PLEKHH2: variants seen among roughly 807,000 people sequenced by gnomAD.
PLEKHH2 encodes the protein pleckstrin homology domain-containing family H member 2.
A neutral mutation model predicts 187.9 loss-of-function variants in PLEKHH2; 129 were observed. The ratio of observed to expected loss-of-function variants is 0.69; its 90% CI spans 0.59 to 0.79. PLEKHH2 has a LOEUF of 0.79. Among genes scored for constraint, PLEKHH2 ranks in the 30% least tolerant of loss-of-function variants. PLEKHH2 has a pLI of 0.00. For missense variants in PLEKHH2, 2,076 were observed against 1,751.2 expected, an observed-to-expected ratio of 1.19 and a Z score of -3.31; for synonymous variants, 686 against 605.6, an observed-to-expected ratio of 1.13 and a Z score of -1.95.
At chr2:43,739,001 C>T (rs931783567) in intron 20 of PLEKHH2, among the ~76,000 whole-genome samples, 1 of 152,188 alleles carries the variant, frequency 6.6e-6, no homozygotes, top group Non-Finnish European at 1.5e-5. Flanking sequence ...AAGCAATTCT[C>T]CTGCCTCAGC....
At chr2:43,665,999 C>T (rs1227324405) in intron 2 of PLEKHH2, among the ~76,000 whole-genome samples, 13 of 144,042 alleles carry the variant, frequency 9.0e-5, no homozygotes, top group Non-Finnish European at 3.0e-5. Context: ...TGGTGGGCTC[C>T]ACCCAGTTCG....
rs763208067 is a variant in PLEKHH2 at position 43,712,383 on chromosome 2, G to C, written c.2460G>C (p.Lys820Asn). Residue 820 changes from lysine to asparagine, a missense_variant and splice_region_variant, in exon 15 of 30, where the codon AAG becomes AAC. Coordinates refer to ENST00000282406, the MANE Select transcript of PLEKHH2 (RefSeq NM_172069.4). ...CCACCATGAAGGGATTGCTCACTAA[G>C]GTAGGAACCTCCTGTGCATAGCAAT... ...GKPTMKGLLT[K>N]VKHGYSKRVW... The C allele has an allele frequency of 2.2e-5, 35 of 1,613,782 alleles. No individual in the cohort carries two copies. Among genetic ancestry groups the C allele is most frequent in the Non-Finnish European group, 2.9e-5 (34 of 1,179,958 alleles).
At chr2:43,699,433 C>T (rs1669244629) in intron 7 of PLEKHH2, among the ~76,000 whole-genome samples, 1 of 152,066 alleles carries the variant, frequency 6.6e-6, no homozygotes, top group Admixed American at 6.6e-5. Flanking sequence ...GGCTGGAGTG[C>T]AGTGGCTGAT....
chr2:43,760,124 T>C (rs1672364452), intron 27 of PLEKHH2, among the ~76,000 whole-genome samples: 1 of 152,198 alleles, frequency 6.6e-6, no homozygotes, highest in African/African-American at 2.4e-5. Context: ...GCAGCATGGA[T>C]TTTAATTCTA....
At chr2:43,642,949 C>T (rs945951531) in intron 1 of PLEKHH2, among the ~76,000 whole-genome samples, 5 of 152,060 alleles carry the variant, frequency 3.3e-5, no homozygotes, top group Non-Finnish European at 4.4e-5. Flanking sequence ...TACATTTCTG[C>T]GGAATGATAT....
intron 2 of PLEKHH2, among the ~76,000 whole-genome samples, chr2:43,650,392 C>A (rs1448645727): frequency 3.9e-5 from 6 of 151,910 alleles, no homozygotes; most frequent in Non-Finnish European, 8.8e-5. Context: ...CTTGGCCTCC[C>A]AAAGTGCTGG....
chr2:43,667,092 C>T (rs1667255140), intron 2 of PLEKHH2, among the ~76,000 whole-genome samples: 1 of 152,022 alleles, frequency 6.6e-6, no homozygotes, highest in Admixed American at 6.6e-5. Flanking sequence ...TTGCCTAACA[C>T]AGAATTACAA....
rs567405633 is a variant in PLEKHH2 at position 43,718,560 on chromosome 2, A to G, written c.2461-2109A>G. ...CTCAAAAAAAAAAAAAAATTCTAAT[A>G]CAAGATTTATGTATAAAGATAGATT... On this transcript the variant is annotated intron_variant, in intron 15 of 29. Transcript: ENST00000282406. Among the ~76,000 whole-genome samples the G allele has an allele frequency of 2.6e-4, 40 of 152,216 alleles. No individual in the cohort carries two copies. In the South Asian group the frequency reaches 4.1e-3, roughly 16 times the overall value.
intron 21 of PLEKHH2, among the ~76,000 whole-genome samples, chr2:43,742,315 T>A (rs1671601762): frequency 6.6e-6 from 1 of 152,076 alleles, no homozygotes; most frequent in Non-Finnish European, 1.5e-5. Flanking sequence ...AGACATTTTT[T>A]TTTTTTTACC....
chr2:43,666,887 G>T (rs992282359), intron 2 of PLEKHH2, among the ~76,000 whole-genome samples: 3 of 151,998 alleles, frequency 2.0e-5, no homozygotes, highest in Non-Finnish European at 4.4e-5. Flanking sequence ...AATTTTTCTA[G>T]TATCTCATTT....
chr2:43,723,842 G>A (rs564831998), intron 16 of PLEKHH2, among the ~76,000 whole-genome samples: 3 of 152,240 alleles, frequency 2.0e-5, no homozygotes, highest in Admixed American at 6.5e-5. Context: ...GGCACACGCC[G>A]ACTGCTGATT....
intron 19 of PLEKHH2, among the ~76,000 whole-genome samples, chr2:43,733,120 T>G (rs980275102): frequency 3.9e-5 from 6 of 152,140 alleles, no homozygotes; most frequent in African/African-American, 1.4e-4. Flanking sequence ...CCCAGCACTT[T>G]GGAAGGCCGA....
chr2:43,743,012 C>G (rs2104598944), intron 22 of PLEKHH2, 94 bp downstream of exon 22: 1 of 982,208 alleles, frequency 1.0e-6, no homozygotes, highest in East Asian at 2.9e-5. Flanking sequence ...TTTGTCAGCA[C>G]CTGGCAGTGA....
chr2:43,651,470 A>C (rs1439252794), intron 2 of PLEKHH2, among the ~76,000 whole-genome samples: 2 of 152,198 alleles, frequency 1.3e-5, no homozygotes, highest in Admixed American at 6.5e-5. Flanking sequence ...TCCTATTATG[A>C]ATGTTATGCT....
chr2:43,755,161 C>T (rs1327839581), intron 25 of PLEKHH2, among the ~76,000 whole-genome samples: 1 of 152,124 alleles, frequency 6.6e-6, no homozygotes, highest in Non-Finnish European at 1.5e-5. Flanking sequence ...GCGTGAGCCA[C>T]CGCGCCCAGC....
chr2:43,762,306 C>T lies in PLEKHH2; in HGVS notation c.4074C>T (p.Pro1358=). The change falls in exon 28 of 30, where the codon CCC becomes CCT. Residue 1358 remains proline, a splice_region_variant and synonymous_variant. Coordinates refer to ENST00000282406, the MANE Select transcript of PLEKHH2 (RefSeq NM_172069.4). ...AGTGTATTTTCACCTCTTCATAGCCCATAACTCCATCATCACTTGGAAGTA... is the reference window on the plus strand; with the variant it reads ...AGTGTATTTTCACCTCTTCATAGCCTATAACTCCATCATCACTTGGAAGTA... ...FFGAKLFLAK[P]ITPSSLGSTF... 10 of 1,608,624 alleles carry T rather than the reference C, an allele frequency of 6.2e-6. No homozygotes were observed. Among genetic ancestry groups the T allele is most frequent in the Non-Finnish European group, 7.7e-6 (9 of 1,175,178 alleles).
chr2:43,726,192 A>C (rs1670735586), intron 16 of PLEKHH2, 80 bp from the exon 17 acceptor site: 5 of 972,000 alleles, frequency 5.1e-6, no homozygotes, highest in Non-Finnish European at 7.5e-6. Context: ...ATAAATTTAA[A>C]AATGAAAAGG....
chr2:43,683,951 C>T (rs1234393877), intron 3 of PLEKHH2, among the ~76,000 whole-genome samples: 3 of 152,098 alleles, frequency 2.0e-5, no homozygotes, highest in Admixed American at 1.3e-4. Context: ...TATCCTCTCC[C>T]CTCCAACACA....
chr2:43,644,899 G>A (rs2104327820), intron 2 of PLEKHH2, 103 bp downstream of exon 2: 1 of 1,264,432 alleles, frequency 7.9e-7, no homozygotes, highest in Non-Finnish European at 1.1e-6. Flanking sequence ...TTTAATTTTT[G>A]TCAAGTATTT....
Sources: allele counts gnomAD v4.1 joint callset (sites outside exome capture counted in the v4.1 genomes callset), GRCh38; gene constraint gnomAD v4.1.1; transcripts MANE v1.5; gene names NCBI Gene and HGNC (gene_info 2026-07-23, HGNC 2026-07-21).